Variants in MDN1 observed in about 807,000 individuals in gnomAD.
The protein encoded by MDN1 is midasin AAA ATPase 1.
Under a neutral mutation model 669.2 loss-of-function variants are expected in MDN1, and 266 were observed. The observed-to-expected ratio is 0.40, with a 90% CI of 0.36 to 0.44. The LOEUF (loss-of-function observed/expected upper bound fraction) is 0.44. MDN1 is among the 20% of genes least tolerant of loss of function. The pLI is 1.00. For missense variants in MDN1, 5,940 were observed against 6,754.0 expected (o/e 0.88, Z 4.22); for synonymous variants, 2,385 against 2,457.1 (o/e 0.97, Z 0.87).
At chr6:89,748,602 C>G (rs1584312004) in intron 26 of MDN1, among the ~76,000 whole-genome samples, 1 of 151,932 alleles carries the variant, frequency 6.6e-6, no homozygotes, top group African/African-American at 2.4e-5. Flanking sequence ...AACCAAAAAC[C>G]AGTTTTCCCT....
rs780004334 is a variant in MDN1, at chr6:89,728,883, A to G, written c.5349+48T>C. The G allele has an allele frequency of 5.5e-5, 85 of 1,539,986 alleles. No homozygotes were observed. In the South Asian group the frequency reaches 9.3e-4, roughly 17 times the overall value. ...TAGGCAAATATAAATTGACACAGAC[A>G]TTACTATCTATAGCTATCTCCATCA... On this transcript the variant is annotated intron_variant, in intron 36 of 101. Coordinates refer to ENST00000369393, the MANE Select transcript of MDN1 (RefSeq NM_014611.3).
In MDN1 at chr6:89,695,852, T is replaced by G. The variant is rs148728196; in HGVS notation, c.9524A>C (p.His3175Pro). Residue 3175 changes from histidine (H) to proline (P), a missense_variant, in exon 61 of 102, where the codon CAT becomes CCT. Around this residue, in one of 5 missense-constraint regions of MDN1, gnomAD observed 2,292 missense variants for 2,638.3 expected, o/e 0.87. Coordinates refer to ENST00000369393, the MANE Select transcript of MDN1 (RefSeq NM_014611.3). This position sits in a 1 kb window ranked among gnomAD's most constrained non-coding sequence, Gnocchi z 4.1. ...LLLGSSQAFQHVGQTLGDMAG... is the reference protein window; with the variant it reads ...LLLGSSQAFQPVGQTLGDMAG... ...CATGTCCCCAAGTGTCTGGCCCACATGCTGGAAGGCCTGGCTGCTCCCAAG... is the reference window on the plus strand; with the variant it reads ...CATGTCCCCAAGTGTCTGGCCCACAGGCTGGAAGGCCTGGCTGCTCCCAAG... The G allele has an allele frequency of 1.5e-3, 2,420 of 1,613,718 alleles. 8 individuals are homozygous for G. Among genetic ancestry groups the G allele is most frequent in the Non-Finnish European group, 1.5e-3 (1,749 of 1,180,014 alleles).
At chr6:89,746,611 A>AAAGAAAG (rs1554191095) in intron 27 of MDN1, among the ~76,000 whole-genome samples, 15 of 40,546 alleles carry the variant, frequency 3.7e-4, no homozygotes, top group African/African-American at 9.1e-4. Flanking sequence ...AAAAAAAAAA[A>AAAGAAAG]AAAGAAAGAA....
intron 18 of MDN1, 67 bp downstream of exon 18, chr6:89,758,749 A>T (rs1407603326): frequency 6.5e-7 from 1 of 1,548,692 alleles, no homozygotes; most frequent in Non-Finnish European, 8.8e-7. Context: ...ACAACAACAA[A>T]AAATCTCACT....
Position 89,672,387 on chromosome 6 carries a change from TAAC to T in MDN1, c.13631-27_13631-25del, listed in dbSNP as rs752932224. 14 of 1,609,018 alleles carry T rather than the reference TAAC, an allele frequency of 8.7e-6. No homozygotes were observed. The Admixed American group carries it at 1.7e-4, about 20-fold the overall frequency. Reference sequence around the variant, plus strand: ...TGCTGCCTCATTCATTCAGAGAAAATAACAACATGATGAATAACAGAAAACAAA... The same window carrying T: ...TGCTGCCTCATTCATTCAGAGAAAATAACATGATGAATAACAGAAAACAAA... On this transcript the variant is annotated intron_variant, in intron 81 of 101. Transcript: ENST00000369393.
chr6:89,740,195 C>A, intron 32 of MDN1, 39 bp downstream of exon 32: 2 of 1,605,586 alleles, frequency 1.2e-6, no homozygotes, highest in Non-Finnish European at 8.5e-7. Flanking sequence ...AAGCTGAGGT[C>A]AAAACCTAGA....
chr6:89,731,806 C>G (rs570208679), intron 34 of MDN1, among the ~76,000 whole-genome samples: 4 of 146,918 alleles, frequency 2.7e-5, no homozygotes, highest in Non-Finnish European at 6.0e-5. Flanking sequence ...CCGCCCCCCC[C>G]CCCCACCTTT....
chr6:89,754,198 G>T lies in MDN1; in HGVS notation c.2849C>A (p.Thr950Asn). The T allele has an allele frequency of 6.2e-7, 1 of 1,613,994 alleles. No individual in the cohort carries two copies. The highest frequency in any genetic ancestry group is 2.2e-5 in the East Asian group (1 of 44,868). The part of the protein sequence containing the change: ...FYTALRKESG[T>N]KLVDGTGHRP... The stretch of plus-strand genomic sequence containing the variant: ...ATGGCCAGTGCCATCCACCAGTTTG[G>T]TCCCAGACTCTTTCCGCAAAGCTGT... The change falls in exon 21 of 102, where the codon ACC becomes AAC. Residue 950 changes from threonine to asparagine, a missense_variant. By Grantham distance (65) the Thr-to-Asn change is moderately conservative (BLOSUM62 0). Transcript: ENST00000369393.
rs34538984 is a variant in MDN1, at chr6:89,805,034, C to CAA, written c.103-1482_103-1481dup. Among the ~76,000 whole-genome samples the CAA allele has an allele frequency of 9.3e-3, 539 of 57,906 alleles. 31 individuals are homozygous for CAA. The highest frequency in any genetic ancestry group is 0.011 in the Non-Finnish European group (373 of 33,766). The allele number at this position is 57,906 out of a possible 152,430, so 38.0% of individuals were successfully genotyped here. On this transcript the variant is annotated intron_variant, in intron 1 of 101. Coordinates refer to ENST00000369393, the MANE Select transcript of MDN1 (RefSeq NM_014611.3). ...CCTGGGCGACAGCGAGACTCCGTCT[C>CAA]AAAAAAAAAAAAAAAAAAAAAAAAA...
intron 20 of MDN1, among the ~76,000 whole-genome samples, chr6:89,755,927 T>C (rs1817222891): frequency 1.3e-5 from 2 of 152,218 alleles, no homozygotes; most frequent in Non-Finnish European, 2.9e-5. Flanking sequence ...CTAGTATAAA[T>C]ATTGCAAATA....
At chr6:89,694,847 C>T (rs1812624999) in intron 61 of MDN1, among the ~76,000 whole-genome samples, 1 of 152,086 alleles carries the variant, frequency 6.6e-6, no homozygotes, top group Non-Finnish European at 1.5e-5. Context: ...GCCACCACAC[C>T]CAGCCTCTAC....
At chr6:89,660,234 G>GC (rs1466967417) in intron 88 of MDN1, among the ~76,000 whole-genome samples, 1 of 152,082 alleles carries the variant, frequency 6.6e-6, no homozygotes, top group Non-Finnish European at 1.5e-5. Context: ...CACCCAAGCT[G>GC]GAGTGCAGTG....
intron 19 of MDN1, among the ~76,000 whole-genome samples, chr6:89,758,049 G>GA (rs1229911188): frequency 6.6e-6 from 1 of 150,898 alleles, no homozygotes; most frequent in African/African-American, 2.4e-5. Flanking sequence ...CTCTGTCTCA[G>GA]AAAAAAAATA....
At chr6:89,789,755 C>T in intron 7 of MDN1, 25 bp downstream of exon 7, 1 of 1,567,018 alleles carries the variant, frequency 6.4e-7, no homozygotes, top group South Asian at 1.2e-5. Context: ...TATTAAGGGA[C>T]AATGAATTTC....
chr6:89,680,098 C>T (rs1811495481), intron 74 of MDN1, among the ~76,000 whole-genome samples: 1 of 152,342 alleles, frequency 6.6e-6, no homozygotes, highest in East Asian at 1.9e-4. Context: ...CTATTAAATT[C>T]TGGGTTCCCT....
At chr6:89,740,958 G>A (rs1278406845) in intron 31 of MDN1, among the ~76,000 whole-genome samples, 2 of 152,318 alleles carry the variant, frequency 1.3e-5, no homozygotes, top group African/African-American at 2.4e-5. Flanking sequence ...TAGGCCGGGC[G>A]CAGTGACTCT....
rs764933792 is a variant in MDN1, at chr6:89,685,893, C to A, written c.11653G>T (p.Val3885Leu). Residue 3885 changes from valine (V) to leucine (L), a missense_variant, in exon 70 of 102, where the codon GTG becomes TTG. By Grantham distance (32) the Val-to-Leu change is conservative. Coordinates refer to ENST00000369393, the MANE Select transcript of MDN1 (RefSeq NM_014611.3). Reference sequence around the variant, plus strand: ...AAAACCAGTAACATCTGAAGTCGCACATGGAACTCTCCCAGCGAGGATCCT... The same window carrying A: ...AAAACCAGTAACATCTGAAGTCGCAAATGGAACTCTCCCAGCGAGGATCCT... ...IEGSSLGEFHVRLQMLLVFHC... is the reference protein window; with the variant it reads ...IEGSSLGEFHLRLQMLLVFHC... The A allele has an allele frequency of 1.2e-6, 2 of 1,614,126 alleles. No homozygotes were observed. Among genetic ancestry groups the A allele is most frequent in the Non-Finnish European group, 1.7e-6 (2 of 1,180,022 alleles).
chr6:89,720,433 T>C (rs1016503171), intron 40 of MDN1, among the ~76,000 whole-genome samples: 32 of 152,080 alleles, frequency 2.1e-4, no homozygotes, highest in Non-Finnish European at 4.4e-4. Context: ...AATCTAGCTC[T>C]TTGGTTTAGC....
intron 53 of MDN1, 86 bp downstream of exon 53, chr6:89,705,973 C>A (rs1584234766): frequency 2.4e-6 from 3 of 1,256,014 alleles, no homozygotes; most frequent in Non-Finnish European, 3.3e-6. Flanking sequence ...TATAACAACA[C>A]TAAAGTTAGT....
Sources: gnomAD v4.1 joint callset for allele counts (sites outside exome capture counted in the v4.1 genomes callset) on GRCh38, gnomAD v4.1.1 for gene constraint, gnomAD v4.1.1 regional missense constraint, Gnocchi (gnomAD v3.1) non-coding constraint, MANE v1.5 for transcripts, NCBI Gene and HGNC (gene_info 2026-07-23, HGNC 2026-07-21) for gene names.